SPTBN1: variants seen among roughly 807,000 people sequenced by gnomAD.
The protein encoded by SPTBN1 is spectrin beta, non-erythrocytic 1.
Under a neutral mutation model 266.4 loss-of-function variants are expected in SPTBN1, and 32 were observed. The ratio of observed to expected loss-of-function variants is 0.12; its 90% CI spans 0.09 to 0.16. The LOEUF (loss-of-function observed/expected upper bound fraction) is 0.16. Ranked by LOEUF, SPTBN1 falls within the 10% of genes least tolerant of loss-of-function variation. The pLI is 1.00. For missense variants in SPTBN1, 2,296 were observed against 3,067.1 expected, an observed-to-expected ratio of 0.75 and a Z score of 5.94; for synonymous variants, 1,336 against 1,162.2, an observed-to-expected ratio of 1.15 and a Z score of -3.04.
At chr2:54,654,995 A>C in intron 27 of SPTBN1, 75 bp from the exon 28 acceptor site, 1 of 1,500,570 alleles carries the variant, frequency 6.7e-7, no homozygotes, top group Non-Finnish European at 9.0e-7. Flanking sequence ...TTTCAAATTA[A>C]TTGTGTGTTT....
intron 23 of SPTBN1, 36 bp from the exon 24 acceptor site, chr2:54,647,095 G>T: frequency 6.2e-7 from 1 of 1,613,938 alleles, no homozygotes; most frequent in South Asian, 1.1e-5. Flanking sequence ...GGCCAGAGGG[G>T]ACCGCTATGG....
chr2:54,478,753 C>CA (rs1474868017), intron 1 of SPTBN1, among the ~76,000 whole-genome samples: 3 of 152,284 alleles, frequency 2.0e-5, no homozygotes, highest in African/African-American at 7.2e-5. Context: ...AGTAAGCCTA[C>CA]AAGTTTATGC....
intron 1 of SPTBN1, among the ~76,000 whole-genome samples, chr2:54,512,893 A>G (rs907739687): frequency 6.6e-6 from 1 of 152,166 alleles, no homozygotes; most frequent in Non-Finnish European, 1.5e-5. Flanking sequence ...GCTGGTTACT[A>G]ATGGTTTAAA....
intron 2 of SPTBN1, among the ~76,000 whole-genome samples, chr2:54,536,477 A>G (rs1671607365): frequency 6.6e-6 from 1 of 152,260 alleles, no homozygotes; most frequent in African/African-American, 2.4e-5. Context: ...GATTTTTGAT[A>G]CCAAGTCAAT....
rs1186312682 is a variant in SPTBN1 at position 54,533,565 on chromosome 2, A to G, written c.148+6999A>G. ...AGTTAGTATAGGCAATGATTGCTGT[A>G]GTAAGATGGAGTTTCGCTCTTGTCA... is the stretch of plus-strand genomic sequence containing the variant. On this transcript the variant is annotated intron_variant, in intron 2 of 35. Coordinates refer to ENST00000356805, the MANE Select transcript of SPTBN1 (RefSeq NM_003128.3). This position sits in a 1 kb window ranked among gnomAD's most constrained non-coding sequence, Gnocchi z 4.2. 6.6e-6 allele frequency among the ~76,000 whole-genome samples: 1 copy of G among 152,116 alleles called. No homozygotes were observed. The highest frequency in any genetic ancestry group is 1.5e-5 in the Non-Finnish European group (1 of 67,976).
At chr2:54,522,697 GAGAA>G (rs1466233306) in intron 1 of SPTBN1, among the ~76,000 whole-genome samples, 1,682 of 96,890 alleles carry the variant, frequency 0.017, 87 homozygotes, top group Non-Finnish European at 0.025. Context: ...GAGAGAGAGA[GAGAA>G]AGAAAGAAAG....
intron 1 of SPTBN1, among the ~76,000 whole-genome samples, chr2:54,523,883 G>A (rs528756563): frequency 1.3e-5 from 2 of 152,318 alleles, no homozygotes; most frequent in South Asian, 2.1e-4. Flanking sequence ...ACAAAAACCT[G>A]ACAATAAATT....
In SPTBN1 at chr2:54,662,247, G is replaced by A. The variant is rs910213861; in HGVS notation, c.6421-2206G>A. 16 of 985,182 alleles carry A rather than the reference G, an allele frequency of 1.6e-5. No homozygotes were observed. In the African/African-American group the frequency reaches 2.6e-4, roughly 16 times the overall value. The allele number at this position is 985,182 out of a possible 1,614,324, so 61.0% of individuals were successfully genotyped here. A position where few individuals can be genotyped will look rare whatever the true frequency, so the allele number is the denominator to read the frequency against. ...ATTGCTTTTGATGTGTGTCTCTAGT[G>A]GTGTGCTGTCTGTTGGCATGCTTAA... On this transcript the variant is annotated intron_variant, in intron 32 of 35. Coordinates refer to ENST00000356805, the MANE Select transcript of SPTBN1 (RefSeq NM_003128.3).
chr2:54,533,671 T>C lies in SPTBN1; in HGVS notation c.148+7105T>C, dbSNP rs4514917. On this transcript the variant is annotated intron_variant, in intron 2 of 35. Transcript: ENST00000356805. The surrounding 1 kb of genome is among the most constrained non-coding windows in gnomAD (Gnocchi z 4.2). ...GTCCAAGTGATTCTCCTGCCTCAGC[T>C]TCCCGAGTAGCTGGGACTACAGGCA... is the stretch of plus-strand genomic sequence containing the variant. Among the ~76,000 whole-genome samples, 121,495 of 151,968 alleles carry C rather than the reference T, an allele frequency of 0.8. 49,160 individuals carry two copies. Among genetic ancestry groups the C allele is most frequent in the African/African-American group, 0.93 (38,776 of 41,480 alleles).
In SPTBN1 at chr2:54,645,206, T is replaced by G. The variant is rs77711744; in HGVS notation, c.4270-23T>G. On this transcript the variant is annotated intron_variant, in intron 20 of 35. Coordinates refer to ENST00000356805, the MANE Select transcript of SPTBN1 (RefSeq NM_003128.3). The surrounding 1 kb of genome is among the most constrained non-coding windows in gnomAD (Gnocchi z 4.3). ...GCAAAAGATAGTCTGTGCTGAGCGC[T>G]GAGGCTGCTTCTCTGCCCTCAGATG... The G allele has an allele frequency of 2.2e-3, 3,485 of 1,613,222 alleles. 47 individuals carry two copies. In the African/African-American group the frequency reaches 0.033, roughly 15 times the overall value.
At chr2:54,568,107 C>T (rs1047638773) in intron 2 of SPTBN1, among the ~76,000 whole-genome samples, 1 of 152,092 alleles carries the variant, frequency 6.6e-6, no homozygotes, top group Non-Finnish European at 1.5e-5. Context: ...GCTGGCAGTG[C>T]GTGGTGGCTC....
chr2:54,563,664 C>T (rs1673479013), intron 2 of SPTBN1, among the ~76,000 whole-genome samples: 1 of 127,970 alleles, frequency 7.8e-6, no homozygotes, highest in African/African-American at 3.1e-5. Flanking sequence ...AGTGCAGTGG[C>T]GCGATCTCGG....
rs577894648 is a variant in SPTBN1, at chr2:54,591,193, A to C, written c.149-7899A>C. Among the ~76,000 whole-genome samples the C allele has an allele frequency of 2.0e-5, 3 of 152,324 alleles. No homozygotes were observed. The South Asian group carries it at 6.2e-4, about 32-fold the overall frequency. Reference sequence around the variant, plus strand: ...TATCTTAGACACAGAGTTCTAGGTAAAGTATGCACTTTGTAATATTGGAGC... The same window carrying C: ...TATCTTAGACACAGAGTTCTAGGTACAGTATGCACTTTGTAATATTGGAGC... On this transcript the variant is annotated intron_variant, in intron 2 of 35. Transcript: ENST00000356805.
rs559538016 is a variant in SPTBN1, at chr2:54,464,049, C to G, written c.-48+7531C>G. Among the ~76,000 whole-genome samples the G allele has an allele frequency of 2.0e-5, 3 of 152,270 alleles. No homozygotes were observed. The East Asian group carries it at 5.8e-4, about 29-fold the overall frequency. On this transcript the variant is annotated intron_variant, in intron 1 of 35. Transcript: ENST00000356805. Reference sequence around the variant, plus strand: ...TAATGGATAGATATTATGCTCTGGGCTGCTGTGAGATGGGAGCTCTGCATC... The same window carrying G: ...TAATGGATAGATATTATGCTCTGGGGTGCTGTGAGATGGGAGCTCTGCATC...
chr2:54,635,980 G>C (rs1041600409), intron 17 of SPTBN1, among the ~76,000 whole-genome samples: 3 of 152,194 alleles, frequency 2.0e-5, no homozygotes, highest in South Asian at 2.1e-4. Context: ...ATGATAGATG[G>C]CAATGGCATA....
chr2:54,574,071 G>A (rs944625551), intron 2 of SPTBN1, among the ~76,000 whole-genome samples: 3 of 152,088 alleles, frequency 2.0e-5, no homozygotes, highest in Non-Finnish European at 4.4e-5. Context: ...GGTTGTCTTT[G>A]TTCTCAGGTC....
intron 1 of SPTBN1, among the ~76,000 whole-genome samples, chr2:54,524,269 C>G (rs574679459): frequency 1.3e-5 from 2 of 152,132 alleles, no homozygotes; most frequent in South Asian, 2.1e-4. Context: ...GGGGTGTTGT[C>G]TTTTCACTCC....
At chr2:54,562,629 C>T (rs1329258298) in intron 2 of SPTBN1, among the ~76,000 whole-genome samples, 1 of 149,358 alleles carries the variant, frequency 6.7e-6, no homozygotes, top group African/African-American at 2.5e-5. Flanking sequence ...CTCCCAGGCT[C>T]AAGTGATTCT....
rs547643089 is a variant in SPTBN1, at chr2:54,580,952, G to C, written c.149-18140G>C. Among the ~76,000 whole-genome samples, 56 of 152,042 alleles carry C rather than the reference G, an allele frequency of 3.7e-4. 1 individual carries two copies. The highest frequency in any genetic ancestry group is 1.0e-3 in the African/African-American group (42 of 41,474). The stretch of plus-strand genomic sequence containing the variant: ...GTCTCTACTAAAAATACAAAAATTA[G>C]CCATGCATAGTGGCACACACGTGTA... On this transcript the variant is annotated intron_variant, in intron 2 of 35. Transcript: ENST00000356805.
Sources: gnomAD v4.1 joint callset for allele counts (sites outside exome capture counted in the v4.1 genomes callset) on GRCh38, gnomAD v4.1.1 for gene constraint, Gnocchi (gnomAD v3.1) non-coding constraint, MANE v1.5 for transcripts, NCBI Gene and HGNC (gene_info 2026-07-23, HGNC 2026-07-21) for gene names.